Variants in ICA1L observed in about 807,000 individuals in gnomAD.
The protein encoded by ICA1L is islet cell autoantigen 1-like protein.
In ICA1L, 50 loss-of-function variants were observed where a neutral mutation model predicts 61.3. The ratio of observed to expected loss-of-function variants is 0.82; its 90% CI spans 0.65 to 1.03. The LOEUF is 1.03. Among genes scored for constraint, ICA1L ranks in the 50% least tolerant of loss-of-function variants. The probability of loss-of-function intolerance (pLI) is 0.00; values close to 1 mark genes in which losing one functional copy is unlikely to be tolerated. For synonymous variants in ICA1L, 161 were observed against 191.3 expected (o/e 0.84, Z 1.31); for missense variants, 508 against 556.7 (o/e 0.91, Z 0.88).
intron 9 of ICA1L, among the ~76,000 whole-genome samples, chr2:202,807,289 G>A (rs1693253480): frequency 6.6e-6 from 1 of 152,238 alleles, no homozygotes; most frequent in Non-Finnish European, 1.5e-5. Flanking sequence ...ATGGTGTGGA[G>A]AGAGAATCTG....
At position 202,840,879 on chromosome 2, in the gene ICA1L, CGCA is replaced by C. The variant is rs1355604095; in HGVS notation, c.-7-11866_-7-11864del. ...ATCCCAGATCTCAGTCTTTGCATGC[CGCA>C]GGTCATCCCCGTGCTTCCCAGCCAG... is the stretch of plus-strand genomic sequence containing the variant. On this transcript the variant is annotated intron_variant, in intron 1 of 12. Transcript: ENST00000358299. 7 of 658,086 alleles carry C rather than the reference CGCA, an allele frequency of 1.1e-5. No individual in the cohort carries two copies. The East Asian group carries it at 2.4e-4, about 22-fold the overall frequency. The allele number at this position is 658,086 out of a possible 1,614,324, so 40.8% of individuals were successfully genotyped here.
intron 1 of ICA1L, among the ~76,000 whole-genome samples, chr2:202,851,943 T>C (rs1462528498): frequency 6.6e-6 from 1 of 152,288 alleles, no homozygotes; most frequent in Non-Finnish European, 1.5e-5. Flanking sequence ...AAGTTTTCTC[T>C]CATTCTGTAG....
At chr2:202,795,997 C>T (rs910182853) in intron 10 of ICA1L, among the ~76,000 whole-genome samples, 4 of 150,444 alleles carry the variant, frequency 2.7e-5, no homozygotes, top group African/African-American at 9.8e-5. Flanking sequence ...GAGCCAAAAT[C>T]GTGCCACTGC....
intron 2 of ICA1L, among the ~76,000 whole-genome samples, chr2:202,826,540 C>T (rs1448479263): frequency 2.6e-5 from 4 of 152,132 alleles, no homozygotes; most frequent in African/African-American, 4.8e-5. Flanking sequence ...GGTGCAATCT[C>T]GGCTCACTGC....
intron 10 of ICA1L, among the ~76,000 whole-genome samples, chr2:202,790,018 A>G (rs2105822842): frequency 6.6e-6 from 1 of 152,324 alleles, no homozygotes; most frequent in Admixed American, 6.5e-5. Flanking sequence ...AGTAACTGCA[A>G]TGATCAATCC....
Position 202,773,627 on chromosome 2 carries a change from T to C in ICA1L, c.*5906A>G. On this transcript the variant is annotated 3_prime_UTR_variant, in exon 13 of 13. Transcript: ENST00000358299. Reference sequence around the variant, plus strand: ...CCTGATATGCTCAAAGCAAAGCCTCTTTCCCACAAACTAAATTCCATCCAT... The same window carrying C: ...CCTGATATGCTCAAAGCAAAGCCTCCTTCCCACAAACTAAATTCCATCCAT... 1 of 644,650 alleles carries C rather than the reference T, an allele frequency of 1.6e-6. No homozygotes were observed. The highest frequency in any genetic ancestry group is 2.9e-5 in the East Asian group (1 of 34,972). The allele number at this position is 644,650 out of a possible 1,614,324, so 39.9% of individuals were successfully genotyped here. A position where few individuals can be genotyped will look rare whatever the true frequency, so the allele number is the denominator to read the frequency against.
Position 202,788,938 on chromosome 2 carries a change from G to A in ICA1L, c.1135C>T (p.Leu379Phe), listed in dbSNP as rs746481648. 1.7e-5 allele frequency: 28 copies of A among 1,614,078 alleles called. No homozygotes were observed. The highest frequency in any genetic ancestry group is 2.3e-5 in the Non-Finnish European group (27 of 1,180,038). The change falls in exon 11 of 13, where the codon CTC becomes TTC. Residue 379 changes from leucine (L) to phenylalanine (F), a missense_variant. Transcript: ENST00000358299. ...QTAFGSPSASLTSQEPSMGSE... is the reference protein window; with the variant it reads ...QTAFGSPSASFTSQEPSMGSE... ...CCCATGGAAGGCTCCTGGGATGTGA[G>A]ACTGGCACTGGGGCTCCCAAAGGCA...
rs1687357664 is a variant in ICA1L, at chr2:202,863,671, C to CA, written c.-8+7947dup. 2.0e-5 allele frequency among the ~76,000 whole-genome samples: 3 copies of CA among 151,496 alleles called. No individual in the cohort carries two copies. The South Asian group carries it at 6.3e-4, about 32-fold the overall frequency. ...AACCCCGTCTCTACTAAAAAAATTA[C>CA]AAAAAATCAGCCCGGCGTGGTGGTG... On this transcript the variant is annotated intron_variant, in intron 1 of 12. Coordinates refer to ENST00000358299, the MANE Select transcript of ICA1L (RefSeq NM_001288622.3).
chr2:202,829,233 C>T lies in ICA1L; in HGVS notation c.-7-217G>A, dbSNP rs1693942983. 11 of 261,306 alleles carry T rather than the reference C, an allele frequency of 4.2e-5. No individual in the cohort carries two copies. The Admixed American group carries it at 5.1e-4, about 12-fold the overall frequency. The allele number at this position is 261,306 out of a possible 1,614,324, so 16.2% of individuals were successfully genotyped here. Reference sequence around the variant, plus strand: ...GGGCATGGTGGCGGGCGCCTGTAGTCCCAGCTACTCCGGAGGCTGAGGCAG... The same window carrying T: ...GGGCATGGTGGCGGGCGCCTGTAGTTCCAGCTACTCCGGAGGCTGAGGCAG... On this transcript the variant is annotated intron_variant, in intron 1 of 12. Transcript: ENST00000358299.
At chr2:202,833,001 G>T (rs1208159865) in intron 1 of ICA1L, among the ~76,000 whole-genome samples, 3 of 151,958 alleles carry the variant, frequency 2.0e-5, no homozygotes, top group East Asian at 3.9e-4. Context: ...GATCCAATAA[G>T]CTAAATGACA....
chr2:202,774,554 G>T lies in ICA1L; in HGVS notation c.*4979C>A. The T allele has an allele frequency of 2.5e-6, 1 of 393,972 alleles. No homozygotes were observed. The highest frequency in any genetic ancestry group is 4.8e-5 in the East Asian group (1 of 20,968). 24.4% of individuals were successfully genotyped at this position (393,972 alleles called of 1,614,324 possible). A position where few individuals can be genotyped will look rare whatever the true frequency, so the allele number is the denominator to read the frequency against. On this transcript the variant is annotated 3_prime_UTR_variant, in exon 13 of 13. Coordinates refer to ENST00000358299, the MANE Select transcript of ICA1L (RefSeq NM_001288622.3). The stretch of plus-strand genomic sequence containing the variant: ...CAGGAGAGACACAGGAAAAAAAGTT[G>T]TAATATACTCACAGGTCCTAGAGAG...
chr2:202,777,178 G>C lies in ICA1L; in HGVS notation c.*2355C>G, dbSNP rs1301889945. On this transcript the variant is annotated 3_prime_UTR_variant, in exon 13 of 13. Transcript: ENST00000358299. ...AGCAATTCTTCTGCCTCAGCCTCCT[G>C]AGTAGCTGGGATTACAGGCATGTAC... 5 of 149,096 alleles carry C rather than the reference G, an allele frequency of 3.4e-5. 1 individual carries two copies. Among genetic ancestry groups the C allele is most frequent in the African/African-American group, 5.0e-5 (2 of 40,310 alleles). 9.2% of individuals were successfully genotyped at this position (149,096 alleles called of 1,614,324 possible).
chr2:202,821,051 G>C (rs954261130), intron 4 of ICA1L, among the ~76,000 whole-genome samples: 2 of 152,156 alleles, frequency 1.3e-5, no homozygotes, highest in Non-Finnish European at 2.9e-5. Context: ...TTCTGTGACT[G>C]TTACATTAAA....
intron 5 of ICA1L, among the ~76,000 whole-genome samples, chr2:202,818,718 AAG>A (rs1693611987): frequency 2.0e-5 from 3 of 152,296 alleles, no homozygotes; most frequent in South Asian, 2.1e-4. Context: ...CCATCCATGT[AAG>A]ATATGACTTG....
chr2:202,836,798 T>TATATATAGATATATATAGATATATAG (rs1180868092), intron 1 of ICA1L, among the ~76,000 whole-genome samples: 1 of 147,758 alleles, frequency 6.8e-6, no homozygotes, highest in African/African-American at 2.5e-5. Flanking sequence ...TGTATATCTA[T>TATATATAGATATATATAGATATATAG]ATATATAGAT....
intron 1 of ICA1L, among the ~76,000 whole-genome samples, chr2:202,845,026 C>T (rs1694429711): frequency 6.6e-6 from 1 of 152,190 alleles, no homozygotes; most frequent in African/African-American, 2.4e-5. Flanking sequence ...TCTAATCTTT[C>T]TCTAATTCTA....
chr2:202,829,059 C>A, intron 1 of ICA1L, 43 bp from the exon 2 acceptor site: 1 of 1,487,206 alleles, frequency 6.7e-7, no homozygotes, highest in South Asian at 1.4e-5. Flanking sequence ...TAAAAATTCT[C>A]AATAATAGGC....
At chr2:202,828,004 C>G (rs950310432) in intron 2 of ICA1L, among the ~76,000 whole-genome samples, 2 of 152,126 alleles carry the variant, frequency 1.3e-5, no homozygotes, top group Admixed American at 6.5e-5. Context: ...GTTAGTAAAT[C>G]TGCATTTAAA....
At chr2:202,791,143 C>G (rs1692735435) in intron 10 of ICA1L, among the ~76,000 whole-genome samples, 1 of 152,164 alleles carries the variant, frequency 6.6e-6, no homozygotes, top group Non-Finnish European at 1.5e-5. Flanking sequence ...GCTGGGGTCA[C>G]CACAAATTTC....
Sources: gnomAD v4.1 joint callset for allele counts (sites outside exome capture counted in the v4.1 genomes callset) on GRCh38, gnomAD v4.1.1 for gene constraint, MANE v1.5 for transcripts, NCBI Gene and HGNC (gene_info 2026-07-23, HGNC 2026-07-21) for gene names.